MUC5B: variants seen among roughly 807,000 people sequenced by gnomAD.
MUC5B encodes mucin 5B, oligomeric mucus/gel-forming, also known as mucin-5B.
Under a neutral mutation model 376.9 loss-of-function variants are expected in MUC5B, and 116 were observed. The observed-to-expected ratio is 0.31, with a 90% CI of 0.26 to 0.36. The LOEUF is 0.36. Among genes scored for constraint, MUC5B ranks in the 10% least tolerant of loss-of-function variants. The pLI, the probability that MUC5B is intolerant of heterozygous loss-of-function variation, is 1.00. For missense variants in MUC5B, 7,165 were observed against 7,769.9 expected (o/e 0.92, Z 2.93); for synonymous variants, 3,517 against 3,390.9 (o/e 1.04, Z -1.29).
In MUC5B at chr11:1,247,374, C is replaced by A; in HGVS notation, c.10494C>A (p.Thr3498=). 5 of 1,610,646 alleles carry A rather than the reference C, an allele frequency of 3.1e-6. No individual in the cohort carries two copies. The highest frequency in any genetic ancestry group is 4.2e-6 in the Non-Finnish European group (5 of 1,179,204). ...STVTSHTPAA[T]TSTTQHSTPA... ...TGACTTCCCACACCCCAGCAGCAACCACCAGTACCACCCAGCACTCGACTC... is the reference window on the plus strand; with the variant it reads ...TGACTTCCCACACCCCAGCAGCAACAACCAGTACCACCCAGCACTCGACTC... Residue 3498 remains threonine (T), a synonymous_variant, in exon 31 of 49, where the codon ACC becomes ACA. Coordinates refer to ENST00000529681, the MANE Select transcript of MUC5B (RefSeq NM_002458.3).
At chr11:1,238,162 G>C (rs982424220) in intron 25 of MUC5B, among the ~76,000 whole-genome samples, 2 of 152,198 alleles carry the variant, frequency 1.3e-5, no homozygotes, top group African/African-American at 4.8e-5. Context: ...GAAGCAGGCA[G>C]CTTCCCATGG....
At chr11:1,233,889 G>C (rs779231424) in intron 19 of MUC5B, 41 bp downstream of exon 19, 3 of 1,514,128 alleles carry the variant, frequency 2.0e-6, no homozygotes, top group Non-Finnish European at 2.7e-6. Flanking sequence ...GCCCCGCCCC[G>C]CATCACCCCG....
Position 1,250,815 on chromosome 11 carries a change from C to T in MUC5B, c.13935C>T (p.Thr4645=), listed in dbSNP as rs1290775670. The change falls in exon 31 of 49, where the codon ACC becomes ACT. Residue 4645 remains threonine, a synonymous_variant. Coordinates refer to ENST00000529681, the MANE Select transcript of MUC5B (RefSeq NM_002458.3). ...STVTPSSIPG[T]THTARVLTTT... ...TGACCCCCTCCTCCATCCCGGGGACCACCCACACCGCCAGAGTGCTGACCA... is the reference window on the plus strand; with the variant it reads ...TGACCCCCTCCTCCATCCCGGGGACTACCCACACCGCCAGAGTGCTGACCA... 6.2e-7 allele frequency: 1 copy of T among 1,613,362 alleles called. No individual in the cohort carries two copies.
In MUC5B at chr11:1,245,870, C is replaced by A. The variant is rs1236588184; in HGVS notation, c.8990C>A (p.Thr2997Asn). The A allele has an allele frequency of 2.5e-6, 4 of 1,613,394 alleles. No individual in the cohort carries two copies. The highest frequency in any genetic ancestry group is 1.3e-5 in the African/African-American group (1 of 74,728). ...ACGACCTGGATCCTCACAGAGCAGACCACAGCAGCCACTACGACCGCAACC... is the reference window on the plus strand; with the variant it reads ...ACGACCTGGATCCTCACAGAGCAGAACACAGCAGCCACTACGACCGCAACC... ...PGTTWILTEQTTAATTTATTG... is the reference protein window; with the variant it reads ...PGTTWILTEQNTAATTTATTG... The change falls in exon 31 of 49, where the codon ACC becomes AAC. Residue 2997 changes from threonine (T) to asparagine (N), a missense_variant. Physicochemically the swap from Thr to Asn is moderately conservative, Grantham distance 65. Around this residue, in one of 31 missense-constraint regions of MUC5B, gnomAD observed 939 missense variants for 770.6 expected, o/e 1.22. Transcript: ENST00000529681.
In MUC5B at chr11:1,258,624, A is replaced by G. The variant is rs56310743; in HGVS notation, c.16593+257A>G. ...CAGCAACAGCCTGGGGGCAGCACACACTGGCCTGGGGTCCCCGCCTGCCCG... is the reference window on the plus strand; with the variant it reads ...CAGCAACAGCCTGGGGGCAGCACACGCTGGCCTGGGGTCCCCGCCTGCCCG... On this transcript the variant is annotated intron_variant, in intron 43 of 48. Transcript: ENST00000529681. This position sits in a 1 kb window ranked among gnomAD's most constrained non-coding sequence, Gnocchi z 5.5. Among the ~76,000 whole-genome samples the G allele has an allele frequency of 0.025, 3,803 of 152,070 alleles. 63 individuals carry two copies. Among genetic ancestry groups the G allele is most frequent in the Non-Finnish European group, 0.033 (2,225 of 67,922 alleles).
At chr11:1,259,211 T>G in intron 44 of MUC5B, 150 bp downstream of exon 44, 1 of 592,596 alleles carries the variant, frequency 1.7e-6, no homozygotes, top group Non-Finnish European at 2.7e-6. Context: ...CCTGAGGCAC[T>G]TGCCCCCAAG....
Position 1,233,264 on chromosome 11 carries a change from G to T in MUC5B, c.2317G>T (p.Val773Leu). The T allele has an allele frequency of 6.4e-7, 1 of 1,561,944 alleles. No homozygotes were observed. Among genetic ancestry groups the T allele is most frequent in the Non-Finnish European group, 8.7e-7 (1 of 1,155,748 alleles). ...PGEVVHDEGA[V>L]CSCTGGKLSC... ...AGAGGTGGTGCACGACGAGGGCGCCGTGTGGTAAGGGTCTGGGGGGAAAGC... is the reference window on the plus strand; with the variant it reads ...AGAGGTGGTGCACGACGAGGGCGCCTTGTGGTAAGGGTCTGGGGGGAAAGC... The change falls in exon 18 of 49, where the codon GTG becomes TTG. Residue 773 changes from valine (V) to leucine (L), a missense_variant. This residue lies in a region of MUC5B where 530 missense variants were observed against 604.0 expected (regional missense o/e 0.88). Coordinates refer to ENST00000529681, the MANE Select transcript of MUC5B (RefSeq NM_002458.3).
Position 1,255,110 on chromosome 11 carries a change from A to G in MUC5B, c.15734A>G (p.Asp5245Gly). ...GGAACCACTGCCGCCAGTTGCAAGG[A>G]CATGGCCAAGACGTGGCTGGTCCCC... ...RDGTTAASCK[D>G]MAKTWLVPDS... The change falls in exon 36 of 49, where the codon GAC becomes GGC. Residue 5245 changes from aspartate (D) to glycine (G), a missense_variant. By Grantham distance (94) the Asp-to-Gly change is moderately conservative (BLOSUM62 -1). Coordinates refer to ENST00000529681, the MANE Select transcript of MUC5B (RefSeq NM_002458.3). 6.3e-7 allele frequency: 1 copy of G among 1,588,114 alleles called. No homozygotes were observed. Among genetic ancestry groups the G allele is most frequent in the Non-Finnish European group, 8.6e-7 (1 of 1,168,450 alleles).
chr11:1,243,080 C>G lies in MUC5B; in HGVS notation c.6200C>G (p.Pro2067Arg). The G allele has an allele frequency of 1.9e-6, 3 of 1,612,170 alleles. No individual in the cohort carries two copies. The highest frequency in any genetic ancestry group is 1.7e-6 in the Non-Finnish European group (2 of 1,179,038). Residue 2067 changes from proline to arginine, a missense_variant, in exon 31 of 49, where the codon CCA becomes CGA. Physicochemically the swap from Pro to Arg is moderately radical, Grantham distance 103. Transcript: ENST00000529681. ...TGFTATPSSSPGTALTPPVWI... is the reference protein window; with the variant it reads ...TGFTATPSSSRGTALTPPVWI... ...TTCACAGCCACCCCCTCCTCCAGCC[C>G]AGGGACGGCACTCACGCCTCCAGTG...
At chr11:1,230,667 C>A in intron 12 of MUC5B, 67 bp downstream of exon 12, 2 of 1,410,860 alleles carry the variant, frequency 1.4e-6, no homozygotes, top group Non-Finnish European at 1.9e-6. Context: ...GGGGAGCAAG[C>A]ACGGTCAGGT....
rs761244610 is a variant in MUC5B, at chr11:1,251,538, G to A, written c.14658G>A (p.Met4886Ile). The A allele has an allele frequency of 2.0e-5, 32 of 1,612,842 alleles. No homozygotes were observed. Among genetic ancestry groups the A allele is most frequent in the Non-Finnish European group, 2.5e-6 (3 of 1,179,788 alleles). Reference sequence around the variant, plus strand: ...AAGTGGTGACCACCATGGCCACTATGCCCACAGCCACTGCCTCCACGGTTC... The same window carrying A: ...AAGTGGTGACCACCATGGCCACTATACCCACAGCCACTGCCTCCACGGTTC... ...TPKVVTTMATMPTATASTVPS... is the reference protein window; with the variant it reads ...TPKVVTTMATIPTATASTVPS... The change falls in exon 31 of 49, where the codon ATG becomes ATA. Residue 4886 changes from methionine (M) to isoleucine (I), a missense_variant. Met to Ile is a conservative substitution (Grantham distance 10). This residue lies in a region of MUC5B where 730 missense variants were observed against 592.7 expected (regional missense o/e 1.23). Transcript: ENST00000529681.
Position 1,261,800 on chromosome 11 carries a change from G to A in MUC5B, c.*192G>A, listed in dbSNP as rs563652161. 3.5e-5 allele frequency: 25 copies of A among 710,298 alleles called. No individual in the cohort carries two copies. Among genetic ancestry groups the A allele is most frequent in the African/African-American group, 1.6e-4 (9 of 57,518 alleles). 44.0% of individuals were successfully genotyped at this position (710,298 alleles called of 1,614,324 possible). On this transcript the variant is annotated 3_prime_UTR_variant, in exon 49 of 49. Transcript: ENST00000529681. ...GTGAGGGGCCAGCAGGACCCCTTTC[G>A]GGAGGGCGCCACTCAGGAGTCCTAC...
rs752386600 is a variant in MUC5B at position 1,242,388 on chromosome 11, C to G, written c.5508C>G (p.Pro1836=). The change falls in exon 31 of 49, where the codon CCC becomes CCG. Residue 1836 remains proline, a synonymous_variant. Transcript: ENST00000529681. ...TAGAGTGCCGGGCGGAGAACTACCC[C>G]GAGGTAAGCATCGACCAGGTCGGGC... is the stretch of plus-strand genomic sequence containing the variant. ...KSIECRAENY[P]EVSIDQVGQV... The G allele has an allele frequency of 1.2e-6, 2 of 1,613,782 alleles. No homozygotes were observed. The highest frequency in any genetic ancestry group is 1.7e-6 in the Non-Finnish European group (2 of 1,179,862).
At chr11:1,259,636 C>A in intron 44 of MUC5B, 120 bp from the exon 45 acceptor site, 1 of 996,312 alleles carries the variant, frequency 1.0e-6, no homozygotes, top group Admixed American at 2.1e-5. Flanking sequence ...CGGGTATAGG[C>A]CCAGGCAGGG....
chr11:1,257,788 T>A lies in MUC5B; in HGVS notation c.16450+78T>A. 6.8e-7 allele frequency: 1 copy of A among 1,462,780 alleles called. No individual in the cohort carries two copies. Among genetic ancestry groups the A allele is most frequent in the South Asian group, 1.3e-5 (1 of 75,340 alleles). 90.6% of individuals were successfully genotyped at this position (1,462,780 alleles called of 1,614,324 possible). ...CGGTGCCCACCAGGGGCCTGTGGGT[T>A]GGGCACAGGAGAGCAGAGGAGAGCC... On this transcript the variant is annotated intron_variant, in intron 41 of 48. Coordinates refer to ENST00000529681, the MANE Select transcript of MUC5B (RefSeq NM_002458.3). This position sits in a 1 kb window ranked among gnomAD's most constrained non-coding sequence, Gnocchi z 8.9.
Position 1,230,452 on chromosome 11 carries a change from G to A in MUC5B, c.1360-38G>A, listed in dbSNP as rs368689795. 2,126 of 1,529,290 alleles carry A rather than the reference G, an allele frequency of 1.4e-3. 4 individuals carry two copies. The highest frequency in any genetic ancestry group is 1.7e-3 in the Non-Finnish European group (1,959 of 1,126,904). The allele number at this position is 1,529,290 out of a possible 1,614,324, so 94.7% of individuals were successfully genotyped here. ...CTTCTGGGGGGCACCCCACATCATCGAGCCAGGCCCAATGCACGCGTGGGT... is the reference window on the plus strand; with the variant it reads ...CTTCTGGGGGGCACCCCACATCATCAAGCCAGGCCCAATGCACGCGTGGGT... On this transcript the variant is annotated intron_variant, in intron 11 of 48. Coordinates refer to ENST00000529681, the MANE Select transcript of MUC5B (RefSeq NM_002458.3).
chr11:1,230,592 G>A lies in MUC5B; in HGVS notation c.1462G>A (p.Gly488Arg), dbSNP rs754563136. ...LKAVTLSLDGGDTAIRVQADG... is the reference protein window; with the variant it reads ...LKAVTLSLDGRDTAIRVQADG... ...AGCGGTGACGCTCAGCCTGGACGGCGGGGACACGGTGAGGACCTGGCTGGG... is the reference window on the plus strand; with the variant it reads ...AGCGGTGACGCTCAGCCTGGACGGCAGGGACACGGTGAGGACCTGGCTGGG... The change falls in exon 12 of 49, where the codon GGG becomes AGG. Residue 488 changes from glycine (G) to arginine (R), a missense_variant. By Grantham distance (125) the Gly-to-Arg change is moderately radical (BLOSUM62 -2). Coordinates refer to ENST00000529681, the MANE Select transcript of MUC5B (RefSeq NM_002458.3). 143 of 1,607,496 alleles carry A rather than the reference G, an allele frequency of 8.9e-5. No individual in the cohort carries two copies. Among genetic ancestry groups the A allele is most frequent in the Non-Finnish European group, 1.1e-4 (125 of 1,177,356 alleles).
Position 1,245,729 on chromosome 11 carries a change from T to G in MUC5B, c.8849T>G (p.Val2950Gly). 6.2e-7 allele frequency: 1 copy of G among 1,609,576 alleles called. No individual in the cohort carries two copies. ...CTGGTCTGCAGGAACCGTGAGCAGG[T>G]GGGGAAGTTCAAGATGTGCTTCAAC... ...FGLVCRNREQ[V>G]GKFKMCFNYE... Residue 2950 changes from valine to glycine, a missense_variant, in exon 31 of 49, where the codon GTG becomes GGG. By Grantham distance (109) the Val-to-Gly change is moderately radical (BLOSUM62 -3). This residue lies in a region of MUC5B where 57 missense variants were observed against 167.2 expected (regional missense o/e 0.34). Transcript: ENST00000529681.
chr11:1,246,162 C>T lies in MUC5B; in HGVS notation c.9282C>T (p.Ile3094=). 1 of 1,613,140 alleles carries T rather than the reference C, an allele frequency of 6.2e-7. No homozygotes were observed. Among genetic ancestry groups the T allele is most frequent in the Non-Finnish European group, 8.5e-7 (1 of 1,179,660 alleles). ...TTTPMATMST[I]HPSSTPETTH... Reference sequence around the variant, plus strand: ...CACCCATGGCCACCATGTCCACAATCCACCCCTCCTCCACTCCGGAGACCA... The same window carrying T: ...CACCCATGGCCACCATGTCCACAATTCACCCCTCCTCCACTCCGGAGACCA... Residue 3094 remains isoleucine (I), a synonymous_variant, in exon 31 of 49, where the codon ATC becomes ATT. Coordinates refer to ENST00000529681, the MANE Select transcript of MUC5B (RefSeq NM_002458.3).
Sources: allele counts gnomAD v4.1 joint callset (sites outside exome capture counted in the v4.1 genomes callset), GRCh38; gene constraint gnomAD v4.1.1; regional missense constraint gnomAD v4.1.1; non-coding constraint Gnocchi (gnomAD v3.1); transcripts MANE v1.5; gene names NCBI Gene and HGNC (gene_info 2026-07-23, HGNC 2026-07-21).